Variants in PCDHGB3 observed in about 807,000 individuals in gnomAD.
PCDHGB3 encodes the protein protocadherin gamma subfamily B, 3.
Under a neutral mutation model 59.2 loss-of-function variants are expected in PCDHGB3, and 40 were observed. The observed-to-expected ratio is 0.68, with a 90% confidence interval of 0.52 to 0.88. The LOEUF (loss-of-function observed/expected upper bound fraction) is 0.88. Among genes scored for constraint, PCDHGB3 ranks in the 40% least tolerant of loss-of-function variants. The pLI is 0.00. For synonymous variants in PCDHGB3, 581 were observed against 503.6 expected (o/e 1.15, Z -2.06); for missense variants, 1,309 against 1,187.9 (o/e 1.10, Z -1.50).
intron 1 of PCDHGB3, among the ~76,000 whole-genome samples, chr5:141,406,069 C>G (rs72790037): frequency 0.11 from 16,670 of 145,514 alleles, 1,088 homozygotes; most frequent in African/African-American, 0.2. Flanking sequence ...AAAATTCTTA[C>G]TCCTTTTTTT....
At chr5:141,422,891 A>G in intron 1 of PCDHGB3, 3 of 1,614,192 alleles carry the variant, frequency 1.9e-6, no homozygotes, top group Non-Finnish European at 2.5e-6. Context: ...TTCGTGCTGG[A>G]CCAGAACGAC....
intron 1 of PCDHGB3, among the ~76,000 whole-genome samples, chr5:141,435,314 G>C (rs1490871069): frequency 6.6e-6 from 1 of 152,006 alleles, no homozygotes; most frequent in African/African-American, 2.4e-5. Flanking sequence ...AATCATTCAT[G>C]AACTTCCAAA....
In PCDHGB3 at chr5:141,384,252, CT is replaced by C; in HGVS notation, c.2415+11445del. On this transcript the variant is annotated intron_variant, in intron 1 of 3. Transcript: ENST00000576222. ...CAGACACCAACGATAACCCACCCAC[CT>C]TCCCCCACTCATCCTACTCAGTCTA... 4 of 1,613,902 alleles carry C rather than the reference CT, an allele frequency of 2.5e-6. 1 individual carries two copies. In the South Asian group the frequency reaches 4.4e-5, roughly 18 times the overall value.
At chr5:141,393,914 C>T (rs765664879) in intron 1 of PCDHGB3, 2 of 1,613,932 alleles carry the variant, frequency 1.2e-6, no homozygotes, top group South Asian at 2.2e-5. Flanking sequence ...CAGTAATTGC[C>T]TTCTTGAGTG....
chr5:141,472,769 T>C (rs2154571402), intron 1 of PCDHGB3, among the ~76,000 whole-genome samples: 1 of 151,816 alleles, frequency 6.6e-6, no homozygotes, highest in South Asian at 2.1e-4. Context: ...GCAGATCACC[T>C]GAGGTTGGGA....
At chr5:141,508,295 G>C (rs989632251) in intron 3 of PCDHGB3, 5 of 152,202 alleles carry the variant, frequency 3.3e-5, no homozygotes, top group Non-Finnish European at 7.3e-5. Context: ...TGGGCCTTGG[G>C]GGGAGTGGGG....
intron 3 of PCDHGB3, among the ~76,000 whole-genome samples, chr5:141,510,166 A>G (rs1280391099): frequency 6.6e-6 from 1 of 151,872 alleles, no homozygotes; most frequent in African/African-American, 2.4e-5. Flanking sequence ...TCAGCTACTC[A>G]GGAGGTTGAG....
intron 3 of PCDHGB3, among the ~76,000 whole-genome samples, chr5:141,505,729 G>A (rs1026403192): frequency 7.9e-5 from 12 of 152,286 alleles, no homozygotes; most frequent in African/African-American, 2.9e-4. Flanking sequence ...AGGGAATAGT[G>A]GTTACAAGTC....
At position 141,432,325 on chromosome 5, in the gene PCDHGB3, C is replaced by T. The variant is rs752180978; in HGVS notation, c.2415+59516C>T. ...TGTATGCGCTGAGCTCCTTCGACTACGAGCAGTTCCGAGACTTGCAAGTGA... is the reference window on the plus strand; with the variant it reads ...TGTATGCGCTGAGCTCCTTCGACTATGAGCAGTTCCGAGACTTGCAAGTGA... On this transcript the variant is annotated intron_variant, in intron 1 of 3. Coordinates refer to ENST00000576222, the MANE Select transcript of PCDHGB3 (RefSeq NM_018924.5). The surrounding 1 kb of genome is among the most constrained non-coding windows in gnomAD (Gnocchi z 6.0). 68 of 1,614,142 alleles carry T rather than the reference C, an allele frequency of 4.2e-5. No individual in the cohort carries two copies. Among genetic ancestry groups the T allele is most frequent in the Non-Finnish European group, 5.2e-5 (61 of 1,180,050 alleles).
rs984585015 is a variant in PCDHGB3, at chr5:141,372,101, C to T, written c.1707C>T (p.Pro569=). ...APLVLYPALG[P]EGSALFDMVP... is the part of the protein sequence containing the mutation. ...TGGTGCTGTACCCAGCTCTGGGGCC[C>T]GAAGGCTCTGCGCTCTTCGATATGG... Residue 569 remains proline (P), a synonymous_variant, in exon 1 of 4, where the codon CCC becomes CCT. Transcript: ENST00000576222. The T allele has an allele frequency of 5.0e-6, 8 of 1,613,794 alleles. No individual in the cohort carries two copies. The highest frequency in any genetic ancestry group is 1.7e-4 in the Middle Eastern group (1 of 6,038).
intron 1 of PCDHGB3, chr5:141,422,768 T>C: frequency 6.2e-7 from 1 of 1,613,824 alleles, no homozygotes. Context: ...AACACTGGTG[T>C]TCTCTATGCC....
rs767186429 is a variant in PCDHGB3 at position 141,372,531 on chromosome 5, C to G, written c.2137C>G (p.Leu713Val). The G allele has an allele frequency of 6.2e-7, 1 of 1,614,032 alleles. No individual in the cohort carries two copies. Among genetic ancestry groups the G allele is most frequent in the Admixed American group, 1.7e-5 (1 of 60,032 alleles). The change falls in exon 1 of 4, where the codon CTG becomes GTG. Residue 713 changes from leucine to valine, a missense_variant. Coordinates refer to ENST00000576222, the MANE Select transcript of PCDHGB3 (RefSeq NM_018924.5). ...FLLAVILAISLRLRCSSRPAT... is the reference protein window; with the variant it reads ...FLLAVILAISVRLRCSSRPAT... ...CCTCGCGGTGATTCTGGCAATCTCC[C>G]TGCGCCTGCGATGCTCCTCCAGACC...
At chr5:141,429,387 T>TTA (rs775632416) in intron 1 of PCDHGB3, among the ~76,000 whole-genome samples, 40 of 151,448 alleles carry the variant, frequency 2.6e-4, no homozygotes, top group African/African-American at 7.0e-4. Context: ...GTTTTTTTTT[T>TTA]AAAAAAAATT....
chr5:141,382,807 T>TC (rs1430207152), intron 1 of PCDHGB3: 2 of 1,107,572 alleles, frequency 1.8e-6, no homozygotes, highest in Non-Finnish European at 2.6e-6. Context: ...GATTCTGAGC[T>TC]CCCCTTCCTA....
At chr5:141,415,569 A>G (rs962518094) in intron 1 of PCDHGB3, 12 of 1,614,092 alleles carry the variant, frequency 7.4e-6, no homozygotes, top group Non-Finnish European at 1.0e-5. Flanking sequence ...TGTCTTTGTT[A>G]GATGATTCGA....
chr5:141,508,928 G>A (rs1475005703), intron 3 of PCDHGB3, among the ~76,000 whole-genome samples: 1 of 152,076 alleles, frequency 6.6e-6, no homozygotes, highest in East Asian at 1.9e-4. Flanking sequence ...TCCTTTTGGA[G>A]TTAATTAGGG....
intron 1 of PCDHGB3, chr5:141,374,308 C>T: frequency 6.2e-7 from 1 of 1,613,970 alleles, no homozygotes; most frequent in Non-Finnish European, 8.5e-7. Flanking sequence ...TGCAGCTTTT[C>T]TCTCTGAATC....
At chr5:141,437,205 A>G (rs1561884114) in intron 1 of PCDHGB3, among the ~76,000 whole-genome samples, 1 of 152,202 alleles carries the variant, frequency 6.6e-6, no homozygotes, top group African/African-American at 2.4e-5. Context: ...ATGTGTTTAC[A>G]TTTATTCTGA....
At chr5:141,394,552 G>C (rs368792885) in intron 1 of PCDHGB3, 1 of 1,614,070 alleles carries the variant, frequency 6.2e-7, no homozygotes, top group Non-Finnish European at 8.5e-7. Flanking sequence ...CTGGCGCCCC[G>C]CTCCGCAGAG....
Sources: gnomAD v4.1 joint callset for allele counts (sites outside exome capture counted in the v4.1 genomes callset) on GRCh38, gnomAD v4.1.1 for gene constraint, Gnocchi (gnomAD v3.1) non-coding constraint, MANE v1.5 for transcripts, NCBI Gene and HGNC (gene_info 2026-07-23, HGNC 2026-07-21) for gene names.